Variants in FAT1 observed in about 807,000 individuals in gnomAD.
FAT1 encodes the protein FAT atypical cadherin 1.
Under a neutral mutation model 329.8 loss-of-function variants are expected in FAT1, and 171 were observed. The ratio of observed to expected loss-of-function variants is 0.52; its 90% CI spans 0.46 to 0.59. FAT1 has a LOEUF of 0.59. FAT1 is among the 20% of genes least tolerant of loss of function. FAT1 has a pLI of 0.00. For missense variants in FAT1, 5,672 were observed against 5,774.4 expected (o/e 0.98, Z 0.57); for synonymous variants, 2,233 against 2,228.6 (o/e 1.00, Z -0.06).
intron 3 of FAT1, among the ~76,000 whole-genome samples, chr4:186,655,432 A>C (rs938235703): frequency 8.6e-6 from 1 of 116,722 alleles, no homozygotes; most frequent in Non-Finnish European, 1.7e-5. Flanking sequence ...AGTAACCACA[A>C]TAAGGTGATT....
At chr4:186,672,786 T>G (rs1044306759) in intron 2 of FAT1, among the ~76,000 whole-genome samples, 2 of 152,178 alleles carry the variant, frequency 1.3e-5, no homozygotes, top group Non-Finnish European at 2.9e-5. Context: ...TCGTGCTAAA[T>G]GTTTGGAGTC....
intron 12 of FAT1, among the ~76,000 whole-genome samples, 197 bp downstream of exon 12, chr4:186,613,994 G>GT (rs574043354): frequency 2.6e-5 from 4 of 152,038 alleles, no homozygotes; most frequent in Non-Finnish European, 4.4e-5. Context: ...TATTCTTGCT[G>GT]TTTTTTAAAA....
intron 2 of FAT1, among the ~76,000 whole-genome samples, chr4:186,703,433 C>T (rs925083511): frequency 6.6e-6 from 1 of 152,192 alleles, no homozygotes; most frequent in African/African-American, 2.4e-5. Context: ...TGGATAGGTT[C>T]TCTGTTCTGT....
chr4:186,687,035 G>A (rs545397970), intron 2 of FAT1, among the ~76,000 whole-genome samples: 14 of 152,284 alleles, frequency 9.2e-5, no homozygotes, highest in African/African-American at 3.4e-4. Flanking sequence ...TCCCTCATTA[G>A]CCTTTATCTG....
chr4:186,663,604 T>C lies in FAT1; in HGVS notation c.3275A>G (p.Glu1092Gly). 6.2e-7 allele frequency: 1 copy of C among 1,607,002 alleles called. No homozygotes were observed. Among genetic ancestry groups the C allele is most frequent in the Non-Finnish European group, 8.5e-7 (1 of 1,179,004 alleles). ...TTCACGGTCCAGTCGATCTGACGTC[T>C]CTATGACACCTACAGAGAAAAAAGA... ...FKIGEETGVI[E>G]TSDRLDREST... The change falls in exon 3 of 27, where the codon GAG becomes GGG. Residue 1092 changes from glutamate to glycine, a missense_variant. This residue lies in a region of FAT1 where 3,966 missense variants were observed against 3,915.2 expected (regional missense o/e 1.01). Coordinates refer to ENST00000441802, the MANE Select transcript of FAT1 (RefSeq NM_005245.4).
At position 186,600,092 on chromosome 4, in the gene FAT1, C is replaced by T. The variant is rs1391150545; in HGVS notation, c.11909G>A (p.Gly3970Asp). ...GTRHGRSPQV[G>D]NGFRGCMDSI... The stretch of plus-strand genomic sequence containing the variant: ...GTCCATACAACCCCTGAAACCATTA[C>T]CAACTTGAGGACTTCTTCCATGCCT... The change falls in exon 22 of 27, where the codon GGT (glycine) becomes GAT (aspartate). Residue 3970 changes from glycine to aspartate, a missense_variant. Physicochemically the swap from Gly to Asp is moderately conservative, Grantham distance 94 (BLOSUM62 -1). This residue lies in a region of FAT1 where 1,706 missense variants were observed against 1,859.1 expected (regional missense o/e 0.92). Coordinates refer to ENST00000441802, the MANE Select transcript of FAT1 (RefSeq NM_005245.4). 1 of 1,614,046 alleles carries T rather than the reference C, an allele frequency of 6.2e-7. No homozygotes were observed. Among genetic ancestry groups the T allele is most frequent in the Non-Finnish European group, 8.5e-7 (1 of 1,179,902 alleles).
At chr4:186,662,005 C>T (rs73030856) in intron 3 of FAT1, among the ~76,000 whole-genome samples, 8,360 of 124,698 alleles carry the variant, frequency 0.067, 676 homozygotes, top group African/African-American at 0.18. Flanking sequence ...GTAGGAAATC[C>T]TCCCCCCCGC....
chr4:186,665,191 T>A (rs1343098243), intron 2 of FAT1, among the ~76,000 whole-genome samples: 1 of 152,198 alleles, frequency 6.6e-6, no homozygotes, highest in Non-Finnish European at 1.5e-5. Flanking sequence ...AAAGGGGGTA[T>A]AATACTGCTT....
chr4:186,614,434 T>G, intron 11 of FAT1, 90 bp from the exon 12 acceptor site: 1 of 859,304 alleles, frequency 1.2e-6, no homozygotes, highest in Non-Finnish European at 1.7e-6. Context: ...TCATTCATCT[T>G]TGACCACAGA....
chr4:186,667,287 G>C (rs762501081), intron 2 of FAT1, among the ~76,000 whole-genome samples: 1 of 152,198 alleles, frequency 6.6e-6, no homozygotes, highest in Non-Finnish European at 1.5e-5. Context: ...CAACCAGGGG[G>C]TGGGGGACAG....
At chr4:186,589,307 A>C in intron 26 of FAT1, 87 bp from the exon 27 acceptor site, 1 of 1,391,268 alleles carries the variant, frequency 7.2e-7, no homozygotes, top group Non-Finnish European at 9.7e-7. Context: ...AAAGACACAA[A>C]GATGCAACCG....
chr4:186,718,231 C>T (rs181791181), intron 1 of FAT1, among the ~76,000 whole-genome samples: 4 of 152,280 alleles, frequency 2.6e-5, no homozygotes, highest in East Asian at 3.9e-4. Flanking sequence ...GTTCTCTCTT[C>T]TTACACCTCA....
intron 11 of FAT1, among the ~76,000 whole-genome samples, chr4:186,616,226 A>T (rs1434667180): frequency 6.6e-6 from 1 of 151,956 alleles, no homozygotes; most frequent in African/African-American, 2.4e-5. Flanking sequence ...ACCGATATAA[A>T]AGGCTCCAAA....
intron 20 of FAT1, 135 bp downstream of exon 20, chr4:186,602,768 T>C (rs1464932789): frequency 1.0e-6 from 1 of 1,000,204 alleles, no homozygotes; most frequent in Non-Finnish European, 1.4e-6. Context: ...TGTCATTCTT[T>C]ATTCATCTCC....
At chr4:186,595,095 G>T (rs146833507) in intron 26 of FAT1, among the ~76,000 whole-genome samples, 4 of 152,124 alleles carry the variant, frequency 2.6e-5, no homozygotes, top group African/African-American at 9.7e-5. Flanking sequence ...TGGTGGCAAA[G>T]ATCCCACTGT....
At chr4:186,711,837 T>C (rs905458409) in intron 1 of FAT1, among the ~76,000 whole-genome samples, 7 of 152,122 alleles carry the variant, frequency 4.6e-5, no homozygotes, top group Non-Finnish European at 1.0e-4. Flanking sequence ...GGAGAATCAC[T>C]TGAACCCGGG....
chr4:186,608,162 T>A (rs1044452603), intron 16 of FAT1, among the ~76,000 whole-genome samples: 1 of 152,202 alleles, frequency 6.6e-6, no homozygotes, highest in Non-Finnish European at 1.5e-5. Context: ...TATCTAAGCT[T>A]TGTGGATTCT....
At position 186,620,478 on chromosome 4, in the gene FAT1, G is replaced by A. The variant is rs200402889; in HGVS notation, c.6108C>T (p.Gly2036=). ...SRTSGVLSTT[G]TPFDREQQEA... Reference sequence around the variant, plus strand: ...CCTGCTGCTCACGATCGAAGGGCGTGCCAGTGGTTGACAGAACTCCTGAAG... The same window carrying A: ...CCTGCTGCTCACGATCGAAGGGCGTACCAGTGGTTGACAGAACTCCTGAAG... The change falls in exon 10 of 27, where the codon GGC becomes GGT. Residue 2036 remains glycine, a synonymous_variant. Coordinates refer to ENST00000441802, the MANE Select transcript of FAT1 (RefSeq NM_005245.4). 1.1e-5 allele frequency: 17 copies of A among 1,613,994 alleles called. No individual in the cohort carries two copies. In the East Asian group the frequency reaches 3.8e-4, roughly 36 times the overall value.
rs768573792 is a variant in FAT1, at chr4:186,609,897, A to G, written c.9972T>C (p.Asn3324=). The G allele has an allele frequency of 6.2e-7, 1 of 1,613,170 alleles. No homozygotes were observed. Among genetic ancestry groups the G allele is most frequent in the African/African-American group, 1.3e-5 (1 of 74,902 alleles). ...GGGTATTATCGTTGATATCTGTTAC[A>G]TTAACGTTCACAGTGGCAACGTCGC... ...SLSDVATVNV[N]VTDINDNTPV... is the part of the protein sequence containing the mutation. Residue 3324 remains asparagine (N), a synonymous_variant, in exon 15 of 27, where the codon AAT becomes AAC. Coordinates refer to ENST00000441802, the MANE Select transcript of FAT1 (RefSeq NM_005245.4).
Sources: gnomAD v4.1 joint callset for allele counts (sites outside exome capture counted in the v4.1 genomes callset) on GRCh38, gnomAD v4.1.1 for gene constraint, gnomAD v4.1.1 regional missense constraint, MANE v1.5 for transcripts, NCBI Gene and HGNC (gene_info 2026-07-23, HGNC 2026-07-21) for gene names.